The following OTOA variants were observed in gnomAD, a reference collection of about 807,000 sequenced individuals.
OTOA encodes the protein otoancorin, also known as cancer/testis antigen 108.
In OTOA, 70 loss-of-function variants were observed where a neutral mutation model predicts 110.8. That is an observed-to-expected ratio of 0.63 (90% CI 0.52 to 0.77). The LOEUF is 0.77. Ranked by LOEUF, OTOA falls within the 30% of genes least tolerant of loss-of-function variation. The probability of loss-of-function intolerance (pLI) is 0.00; values close to 1 mark genes in which losing one functional copy is unlikely to be tolerated. For missense variants in OTOA, 917 were observed against 1,075.8 expected, an observed-to-expected ratio of 0.85 and a Z score of 2.06; for synonymous variants, 373 against 431.5, an observed-to-expected ratio of 0.86 and a Z score of 1.68.
chr16:21,681,726 C>T lies in OTOA; in HGVS notation c.180-12C>T, dbSNP rs776210902. On this transcript the variant is annotated splice_polypyrimidine_tract_variant and intron_variant, in intron 5 of 28. Transcript: ENST00000646100. ...GTCATTGTGATCTTTTCCTGTCTGT[C>T]TTCAACTGAAGCTCCCACGTGTGGA... 2.9e-5 allele frequency: 46 copies of T among 1,607,884 alleles called. No individual in the cohort carries two copies. In the Admixed American group the frequency reaches 3.5e-4, roughly 12 times the overall value.
At chr16:21,686,175 T>C (rs1368931058) in intron 7 of OTOA, among the ~76,000 whole-genome samples, 1 of 152,132 alleles carries the variant, frequency 6.6e-6, no homozygotes, top group African/African-American at 2.4e-5. Flanking sequence ...AACCTGGGAA[T>C]GCCTGACCCT....
intron 13 of OTOA, among the ~76,000 whole-genome samples, chr16:21,711,661 G>A (rs1250992303): frequency 6.6e-6 from 1 of 152,120 alleles, no homozygotes; most frequent in Non-Finnish European, 1.5e-5. Context: ...TAGAGACGAG[G>A]TTTCGCCATG....
At chr16:21,693,883 A>G (rs547377975) in intron 9 of OTOA, among the ~76,000 whole-genome samples, 3 of 152,156 alleles carry the variant, frequency 2.0e-5, no homozygotes, top group African/African-American at 4.8e-5. Context: ...GGCAGAAAGG[A>G]TATTACAGGT....
At chr16:21,722,600 G>T (rs1208440811) in intron 17 of OTOA, among the ~76,000 whole-genome samples, 3 of 151,946 alleles carry the variant, frequency 2.0e-5, no homozygotes, top group East Asian at 1.9e-4. Flanking sequence ...TCCATTGTAT[G>T]TATATACCAT....
rs565793726 is a variant in OTOA at position 21,688,396 on chromosome 16, AAAAC to A, written c.635+760_635+763del. ...AGAGTGAGACTCCATCTCAAAAACA[AAAAC>A]AAACAAACAAAAAACAAAAACAAAA... On this transcript the variant is annotated intron_variant, in intron 8 of 28. Transcript: ENST00000646100. Among the ~76,000 whole-genome samples the A allele has an allele frequency of 6.4e-4, 98 of 152,090 alleles. 1 individual carries two copies. The South Asian group carries it at 0.015, about 23-fold the overall frequency.
intron 11 of OTOA, among the ~76,000 whole-genome samples, chr16:21,702,823 A>C (rs1898078873): frequency 6.6e-6 from 1 of 151,950 alleles, no homozygotes; most frequent in Admixed American, 6.6e-5. Context: ...CTACAGGCAC[A>C]CGCCACCACG....
chr16:21,736,652 G>T (rs1245042937), intron 22 of OTOA, among the ~76,000 whole-genome samples: 1 of 152,148 alleles, frequency 6.6e-6, no homozygotes, highest in African/African-American at 2.4e-5. Flanking sequence ...CCAACATGGC[G>T]AAACCCTGTC....
chr16:21,719,048 G>T, intron 15 of OTOA, 85 bp from the exon 16 acceptor site: 1 of 1,328,890 alleles, frequency 7.5e-7, no homozygotes, highest in Non-Finnish European at 1.1e-6. Context: ...AAATGGGATT[G>T]TGGAATGCCT....
chr16:21,696,815 T>C (rs1463086455), intron 9 of OTOA, among the ~76,000 whole-genome samples: 1 of 151,926 alleles, frequency 6.6e-6, no homozygotes, highest in East Asian at 1.9e-4. Context: ...TAGTAACCAA[T>C]CGAATGAAAA....
At chr16:21,709,238 C>T (rs987125067) in intron 12 of OTOA, among the ~76,000 whole-genome samples, 6 of 152,100 alleles carry the variant, frequency 3.9e-5, no homozygotes, top group Non-Finnish European at 7.4e-5. Context: ...TTGAGACCAG[C>T]CTGGCCAACA....
intron 21 of OTOA, among the ~76,000 whole-genome samples, chr16:21,731,918 G>T (rs1226167514): frequency 6.6e-6 from 1 of 152,154 alleles, no homozygotes; most frequent in Non-Finnish European, 1.5e-5. Context: ...CTGGATGTCT[G>T]AATATATAGT....
intron 23 of OTOA, among the ~76,000 whole-genome samples, chr16:21,743,337 GAGGTATCCACAGGGGCAACTTCATTTT>G (rs1899544092): frequency 6.6e-6 from 1 of 152,246 alleles, no homozygotes; most frequent in African/African-American, 2.4e-5. Context: ...ATCCTTGGTG[GAGGTATCCACAGGGGCAACTTCATTTT>G]ATTTATGGTT....
In OTOA at chr16:21,736,367, T is replaced by A. The variant is rs756809187; in HGVS notation, c.2408T>A (p.Ile803Asn). ...TCTGTTCGGAACAGCAGTGATAAGATCCCCAGCTATGACCCTATGCCTGGT... is the reference window on the plus strand; with the variant it reads ...TCTGTTCGGAACAGCAGTGATAAGAACCCCAGCTATGACCCTATGCCTGGT... The part of the protein sequence containing the change: ...FQSVRNSSDK[I>N]PSYDPMPGCH... Residue 803 changes from isoleucine (I) to asparagine (N), a missense_variant, in exon 22 of 29, where the codon ATC (isoleucine) becomes AAC (asparagine). Physicochemically the swap from Ile to Asn is moderately radical, Grantham distance 149. This residue lies in a region of OTOA where 57 missense variants were observed against 59.7 expected (regional missense o/e 0.96). Coordinates refer to ENST00000646100, the MANE Select transcript of OTOA (RefSeq NM_144672.4). The A allele has an allele frequency of 3.1e-6, 5 of 1,614,126 alleles. No homozygotes were observed. The highest frequency in any genetic ancestry group is 3.4e-6 in the Non-Finnish European group (4 of 1,180,032).
chr16:21,683,283 AACACTTT>A (rs1459901134), intron 6 of OTOA, among the ~76,000 whole-genome samples: 1 of 152,198 alleles, frequency 6.6e-6, no homozygotes, highest in Non-Finnish European at 1.5e-5. Flanking sequence ...AACTATTGAA[AACACTTT>A]ACACACTGAA....
intron 8 of OTOA, among the ~76,000 whole-genome samples, chr16:21,688,612 T>C (rs1246480069): frequency 6.6e-6 from 1 of 152,150 alleles, no homozygotes; most frequent in Non-Finnish European, 1.5e-5. Context: ...ATCAAGGTGC[T>C]GACAGACTTG....
intron 10 of OTOA, among the ~76,000 whole-genome samples, chr16:21,698,331 T>C (rs1184314301): frequency 6.6e-6 from 1 of 152,188 alleles, no homozygotes; most frequent in Non-Finnish European, 1.5e-5. Flanking sequence ...TGAGCAATGG[T>C]TAGATTTTAA....
chr16:21,727,822 GT>G (rs1327528425), intron 19 of OTOA, among the ~76,000 whole-genome samples: 1 of 150,970 alleles, frequency 6.6e-6, no homozygotes, highest in African/African-American at 2.4e-5. Context: ...AGGGTAGGCA[GT>G]TAAGATCCTG....
At chr16:21,704,691 C>T (rs1019932582) in intron 11 of OTOA, among the ~76,000 whole-genome samples, 1 of 152,090 alleles carries the variant, frequency 6.6e-6, no homozygotes, top group Non-Finnish European at 1.5e-5. Context: ...AATGGAAAAC[C>T]AAACACTGAA....
At position 21,679,177 on chromosome 16, in the gene OTOA, A is replaced by G. The variant is rs1326463841; in HGVS notation, c.152-7A>G. Reference sequence around the variant, plus strand: ...AAAGATGTCTTTTCATTTTACTCCCATTGTAGCACTGCTGGATCTCATACA... The same window carrying G: ...AAAGATGTCTTTTCATTTTACTCCCGTTGTAGCACTGCTGGATCTCATACA... On this transcript the variant is annotated splice_region_variant and splice_polypyrimidine_tract_variant and intron_variant, in intron 4 of 28. Transcript: ENST00000646100. 1.9e-6 allele frequency: 3 copies of G among 1,613,670 alleles called. No individual in the cohort carries two copies. Among genetic ancestry groups the G allele is most frequent in the Admixed American group, 3.3e-5 (2 of 59,976 alleles).
Sources: allele counts gnomAD v4.1 joint callset (sites outside exome capture counted in the v4.1 genomes callset), GRCh38; gene constraint gnomAD v4.1.1; regional missense constraint gnomAD v4.1.1; transcripts MANE v1.5; gene names NCBI Gene and HGNC (gene_info 2026-07-23, HGNC 2026-07-21).